R3HDM2: variants seen among roughly 807,000 people sequenced by gnomAD.
The protein encoded by R3HDM2 is R3H domain containing 2.
A neutral mutation model predicts 124.5 loss-of-function variants in R3HDM2; 38 were observed. That is an observed-to-expected ratio of 0.31 (90% CI 0.24 to 0.40). The LOEUF is 0.40. Ranked by LOEUF, R3HDM2 falls within the 10% of genes least tolerant of loss-of-function variation. The pLI is 1.00. For synonymous variants in R3HDM2, 391 were observed against 448.0 expected (o/e 0.87, Z 1.61); for missense variants, 869 against 1,236.9 (o/e 0.70, Z 4.46).
intron 20 of R3HDM2, among the ~76,000 whole-genome samples, 197 bp from the exon 21 acceptor site, chr12:57,258,334 A>G (rs1232005653): frequency 6.6e-6 from 1 of 150,538 alleles, no homozygotes; most frequent in Admixed American, 6.6e-5. Context: ...TTATTTATTT[A>G]TTTATTTATT....
At chr12:57,261,487 TCAC>T (rs2040797942) in intron 19 of R3HDM2, among the ~76,000 whole-genome samples, 1 of 151,632 alleles carries the variant, frequency 6.6e-6, no homozygotes, top group South Asian at 2.1e-4. Flanking sequence ...ATTAGGGAGG[TCAC>T]AGGGAGAGGG....
intron 1 of R3HDM2, among the ~76,000 whole-genome samples, chr12:57,414,679 TAC>T (rs745387697): frequency 4.6e-5 from 7 of 151,314 alleles, no homozygotes; most frequent in Non-Finnish European, 7.4e-5. Context: ...CTACTAAAAA[TAC>T]AAAAATTAGC....
At chr12:57,289,238 T>G (rs964542936) in intron 11 of R3HDM2, among the ~76,000 whole-genome samples, 198 bp from the exon 12 acceptor site, 1 of 152,014 alleles carries the variant, frequency 6.6e-6, no homozygotes, top group African/African-American at 2.4e-5. Context: ...AGAAAGAACA[T>G]CTGGTGGTTT....
chr12:57,381,615 TAAAGA>T (rs2064892572), intron 2 of R3HDM2, among the ~76,000 whole-genome samples: 1 of 148,962 alleles, frequency 6.7e-6, no homozygotes, highest in African/African-American at 2.5e-5. Context: ...GTATCTCTAA[TAAAGA>T]AAAGAAAATA....
At chr12:57,330,646 G>A (rs2058016701) in intron 2 of R3HDM2, among the ~76,000 whole-genome samples, 1 of 150,912 alleles carries the variant, frequency 6.6e-6, no homozygotes, top group South Asian at 2.1e-4. Flanking sequence ...TGCCTGGCTG[G>A]CATTTATTAA....
At chr12:57,283,663 C>CGG (rs1365997246) in intron 13 of R3HDM2, among the ~76,000 whole-genome samples, 161 bp downstream of exon 13, 1 of 151,886 alleles carries the variant, frequency 6.6e-6, no homozygotes, top group Non-Finnish European at 1.5e-5. Flanking sequence ...CACTTGAACC[C>CGG]GGGAGACAGA....
intron 2 of R3HDM2, among the ~76,000 whole-genome samples, chr12:57,338,547 G>A (rs906505765): frequency 1.3e-5 from 2 of 152,122 alleles, no homozygotes; most frequent in African/African-American, 2.4e-5. Flanking sequence ...GAGCCACCAC[G>A]CCCAGCTAAT....
chr12:57,297,488 G>T, intron 7 of R3HDM2, 101 bp from the exon 8 acceptor site: 1 of 684,122 alleles, frequency 1.5e-6, no homozygotes. Context: ...CATTACAGAA[G>T]CTGAAAAAGG....
intron 14 of R3HDM2, among the ~76,000 whole-genome samples, chr12:57,275,628 A>G (rs1354671708): frequency 6.6e-6 from 1 of 152,172 alleles, no homozygotes. Context: ...AATCAGTAAG[A>G]AAAAAACAAT....
intron 1 of R3HDM2, among the ~76,000 whole-genome samples, chr12:57,405,384 A>G (rs1400238875): frequency 2.0e-5 from 3 of 152,224 alleles, no homozygotes; most frequent in Non-Finnish European, 4.4e-5. Context: ...CATGCCTGTA[A>G]TCTCAGAACT....
intron 1 of R3HDM2, among the ~76,000 whole-genome samples, chr12:57,403,241 C>G (rs1181182727): frequency 6.6e-6 from 1 of 151,854 alleles, no homozygotes; most frequent in Non-Finnish European, 1.5e-5. Context: ...CACCTGTAAT[C>G]CTAGCACTTT....
chr12:57,372,605 A>C (rs115875734), intron 2 of R3HDM2, among the ~76,000 whole-genome samples: 2,937 of 152,294 alleles, frequency 0.019, 80 homozygotes, highest in African/African-American at 0.067. Flanking sequence ...CAATGGTACT[A>C]TTTGGAAAGA....
At chr12:57,341,323 T>C in intron 2 of R3HDM2, 1 of 767,232 alleles carries the variant, frequency 1.3e-6, no homozygotes, top group Non-Finnish European at 1.6e-6. Context: ...CATCCCACTT[T>C]GGCTTCAGCT....
intron 21 of R3HDM2, among the ~76,000 whole-genome samples, chr12:57,256,823 T>TC (rs1555200782): frequency 1.4e-4 from 15 of 109,720 alleles, no homozygotes; most frequent in African/African-American, 3.7e-4. Context: ...TTTATCTCTC[T>TC]TTTTTTTTTT....
intron 2 of R3HDM2, among the ~76,000 whole-genome samples, chr12:57,382,139 G>A (rs1480069599): frequency 2.0e-5 from 3 of 151,246 alleles, no homozygotes; most frequent in Non-Finnish European, 4.4e-5. Context: ...TCTTTTTGGA[G>A]GCAGGGTCTC....
intron 2 of R3HDM2, among the ~76,000 whole-genome samples, chr12:57,332,769 G>A (rs1459087568): frequency 6.6e-6 from 1 of 152,202 alleles, no homozygotes; most frequent in African/African-American, 2.4e-5. Flanking sequence ...GTCAGATACT[G>A]AACACACTTT....
chr12:57,405,767 C>T (rs2068471301), intron 1 of R3HDM2, among the ~76,000 whole-genome samples: 1 of 152,152 alleles, frequency 6.6e-6, no homozygotes, highest in African/African-American at 2.4e-5. Flanking sequence ...CAATGACCAA[C>T]ACACTAAGCA....
chr12:57,306,212 A>G (rs2052531260), intron 3 of R3HDM2, among the ~76,000 whole-genome samples: 1 of 152,222 alleles, frequency 6.6e-6, no homozygotes. Flanking sequence ...GCTGACAGGC[A>G]AGAGACTAGG....
At chr12:57,329,529 T>C (rs974437419) in intron 2 of R3HDM2, among the ~76,000 whole-genome samples, 1 of 152,222 alleles carries the variant, frequency 6.6e-6, no homozygotes, top group East Asian at 1.9e-4. Context: ...TGAATACTAG[T>C]TCCCCCTAAT....
Sources: allele counts gnomAD v4.1 joint callset (sites outside exome capture counted in the v4.1 genomes callset), GRCh38; gene constraint gnomAD v4.1.1; transcripts MANE v1.5; gene names NCBI Gene and HGNC (gene_info 2026-07-23, HGNC 2026-07-21).